Variants in NHS observed in about 807,000 individuals in gnomAD.
NHS encodes the protein NHS actin remodeling regulator.
Under a neutral mutation model 72.5 loss-of-function variants are expected in NHS, and 5 were observed. That is an observed-to-expected ratio of 0.07 (90% CI 0.04 to 0.14). The LOEUF (loss-of-function observed/expected upper bound fraction) is 0.14. Among genes scored for constraint, NHS ranks in the 10% least tolerant of loss-of-function variants. The probability of loss-of-function intolerance (pLI) is 1.00; values close to 1 mark genes in which losing one functional copy is unlikely to be tolerated. For synonymous variants in NHS, 464 were observed against 547.7 expected (o/e 0.85, Z 2.13); for missense variants, 1,072 against 1,355.7 (o/e 0.79, Z 3.29).
intron 1 of NHS, among the ~76,000 whole-genome samples, chrX:17,432,102 C>T (rs757660603): frequency 8.9e-6 from 1 of 112,729 alleles, no homozygotes; most frequent in East Asian, 2.8e-4. Flanking sequence ...TGAAGCTACA[C>T]TACCCAGGGG....
chrX:17,647,251 G>C (rs1234600483), intron 1 of NHS, among the ~76,000 whole-genome samples: 1 of 112,472 alleles, frequency 8.9e-6, no homozygotes, highest in African/African-American at 3.2e-5. Context: ...GTAGAAACTG[G>C]TGGAAAGTCC....
chrX:17,732,243 T>G lies in NHS; in HGVS notation c.4735T>G (p.Cys1579Gly). ...TGAGGCATTGTCCCCACTCTCTCCA[T>G]GCTCCCCACGAGTTAATGCAGAAGG... ...GAEALSPLSP[C>G]SPRVNAEGFS... is the part of the protein sequence containing the mutation. Residue 1579 changes from cysteine (C) to glycine (G), a missense_variant, in exon 9 of 9, where the codon TGC (cysteine) becomes GGC (glycine). Coordinates refer to ENST00000676302, the MANE Select transcript of NHS (RefSeq NM_001291867.2). 8.3e-7 allele frequency: 1 copy of G among 1,211,862 alleles called. No homozygotes were observed.
intron 1 of NHS, among the ~76,000 whole-genome samples, chrX:17,592,411 C>T (rs67954183): frequency 0.15 from 16,497 of 111,250 alleles, 2,828 homozygotes; most frequent in African/African-American, 0.5. Context: ...TAGAATGTTC[C>T]ATTGAGAGGT....
Position 17,574,770 on chromosome X carries a change from G to A in NHS, c.566-112972G>A, listed in dbSNP as rs772112369. Among the ~76,000 whole-genome samples the A allele has an allele frequency of 1.6e-4, 18 of 111,200 alleles. 1 individual carries two copies. In the South Asian group the frequency reaches 6.0e-3, roughly 37 times the overall value. On this transcript the variant is annotated intron_variant, in intron 1 of 8. Coordinates refer to ENST00000676302, the MANE Select transcript of NHS (RefSeq NM_001291867.2). ...TCAGTTGGAAATGCAGAAATCACCC[G>A]TCTTCTGCATCGATCTCGCTGGGAG...
intron 1 of NHS, among the ~76,000 whole-genome samples, chrX:17,561,843 G>T (rs1033014904): frequency 3.7e-5 from 4 of 109,296 alleles, no homozygotes; most frequent in Non-Finnish European, 7.6e-5. Flanking sequence ...ATGTTGAAAG[G>T]TCTTAAGGGG....
At position 17,475,764 on chromosome X, in the gene NHS, C is replaced by T. The variant is rs746606170; in HGVS notation, c.565+99442C>T. Reference sequence around the variant, plus strand: ...GCACACATTCTTTAACTCACACACACCTCTAAAAGCACATTAGTGCAAACT... The same window carrying T: ...GCACACATTCTTTAACTCACACACATCTCTAAAAGCACATTAGTGCAAACT... On this transcript the variant is annotated intron_variant, in intron 1 of 8. Coordinates refer to ENST00000676302, the MANE Select transcript of NHS (RefSeq NM_001291867.2). 6.2e-5 allele frequency among the ~76,000 whole-genome samples: 7 copies of T among 112,085 alleles called. 1 individual carries two copies. Among genetic ancestry groups the T allele is most frequent in the African/African-American group, 1.3e-4 (4 of 30,904 alleles).
chrX:17,612,062 T>C (rs2147057202), intron 1 of NHS, among the ~76,000 whole-genome samples: 1 of 101,944 alleles, frequency 9.8e-6, no homozygotes, highest in Non-Finnish European at 2.0e-5. Flanking sequence ...CCCCAGCATG[T>C]TATTATGAAA....
chrX:17,376,726 C>T (rs1361330751), intron 1 of NHS, among the ~76,000 whole-genome samples: 2 of 112,483 alleles, frequency 1.8e-5, no homozygotes, highest in Non-Finnish European at 3.8e-5. Flanking sequence ...TTTCCAGAAG[C>T]CCAGCCCTGA....
chrX:17,641,204 G>A (rs187841919), intron 1 of NHS, among the ~76,000 whole-genome samples: 1 of 111,517 alleles, frequency 9.0e-6, no homozygotes, highest in Non-Finnish European at 1.9e-5. Flanking sequence ...CATTAACAAG[G>A]TGACAACAGA....
rs1452037098 is a variant in NHS at position 17,559,522 on chromosome X, A to G, written c.566-128220A>G. On this transcript the variant is annotated intron_variant, in intron 1 of 8. Coordinates refer to ENST00000676302, the MANE Select transcript of NHS (RefSeq NM_001291867.2). Reference sequence around the variant, plus strand: ...AATCCATACTGTTTATTTATGAATTATATGCACGTGTTGCTGTATTAATAA... The same window carrying G: ...AATCCATACTGTTTATTTATGAATTGTATGCACGTGTTGCTGTATTAATAA... 2.7e-5 allele frequency among the ~76,000 whole-genome samples: 3 copies of G among 112,304 alleles called. No individual in the cohort carries two copies. The East Asian group carries it at 8.4e-4, about 31-fold the overall frequency.
Position 17,728,084 on chromosome X carries a change from G to T in NHS, c.3978G>T (p.Gln1326His). The change falls in exon 7 of 9, where the codon CAG becomes CAT. Residue 1326 changes from glutamine (Q) to histidine (H), a missense_variant. Physicochemically the swap from Gln to His is conservative, Grantham distance 24. Coordinates refer to ENST00000676302, the MANE Select transcript of NHS (RefSeq NM_001291867.2). Reference protein sequence around the residue: ...QPESVDVITSQSDSPTRATDV... With the variant: ...QPESVDVITSHSDSPTRATDV... The stretch of plus-strand genomic sequence containing the variant: ...AATCTGTGGATGTAATCACATCTCA[G>T]TCAGACTCACCAACTAGAGCAACAG... 1.7e-6 allele frequency: 2 copies of T among 1,211,643 alleles called. No homozygotes were observed. The highest frequency in any genetic ancestry group is 5.9e-5 in the East Asian group (2 of 33,840).
chrX:17,727,811 A>G lies in NHS; in HGVS notation c.3705A>G (p.Thr1235=). Residue 1235 remains threonine, a synonymous_variant, in exon 7 of 9, where the codon ACA becomes ACG. Transcript: ENST00000676302. ...ATCGCTGCGATCCAGAAACCATAAC[A>G]TCAGCTGGTAGCAGTCTTCTAGATT... The part of the protein sequence containing the change: ...VKNRCDPETI[T]SAGSSLLDSN... 1 of 1,211,898 alleles carries G rather than the reference A, an allele frequency of 8.3e-7. No homozygotes were observed. Among genetic ancestry groups the G allele is most frequent in the South Asian group, 1.8e-5 (1 of 56,991 alleles).
At chrX:17,616,236 GGCTGGGTGGC>G (rs1365997615) in intron 1 of NHS, among the ~76,000 whole-genome samples, 1 of 112,572 alleles carries the variant, frequency 8.9e-6, no homozygotes, top group East Asian at 2.8e-4. Context: ...ATCCCCAGTT[GGCTGGGTGGC>G]GCCACCTCTT....
At chrX:17,614,632 C>A (rs920936246) in intron 1 of NHS, among the ~76,000 whole-genome samples, 13 of 110,743 alleles carry the variant, frequency 1.2e-4, no homozygotes, top group Admixed American at 1.9e-4. Context: ...GTTTCATTTC[C>A]AGTGTTACAT....
intron 1 of NHS, among the ~76,000 whole-genome samples, chrX:17,417,121 G>C (rs1326350457): frequency 6.6e-5 from 7 of 105,631 alleles, no homozygotes; most frequent in African/African-American, 2.6e-4. Flanking sequence ...CACACACACA[G>C]AGTCTGAGTT....
chrX:17,636,009 C>T (rs976158048), intron 1 of NHS, among the ~76,000 whole-genome samples: 5 of 112,342 alleles, frequency 4.5e-5, no homozygotes, highest in African/African-American at 1.3e-4. Context: ...GGCAGGATTC[C>T]GGGGCTCTAG....
rs115330207 is a variant in NHS at position 17,504,100 on chromosome X, T to G, written c.565+127778T>G. 7.4e-3 allele frequency among the ~76,000 whole-genome samples: 831 copies of G among 112,159 alleles called. 5 individuals are homozygous for G. The highest frequency in any genetic ancestry group is 0.026 in the African/African-American group (797 of 30,879). ...ACCAATTCAACTTTGATTATTCAAG[T>G]GTTTACCACCCTTGTCTTACCAGGA... is the stretch of plus-strand genomic sequence containing the variant. On this transcript the variant is annotated intron_variant, in intron 1 of 8. Coordinates refer to ENST00000676302, the MANE Select transcript of NHS (RefSeq NM_001291867.2).
At chrX:17,417,720 G>T (rs2064603500) in intron 1 of NHS, among the ~76,000 whole-genome samples, 1 of 111,944 alleles carries the variant, frequency 8.9e-6, no homozygotes, top group Non-Finnish European at 1.9e-5. Context: ...TTCCTTATTG[G>T]CATTGTGTTA....
intron 1 of NHS, among the ~76,000 whole-genome samples, chrX:17,531,612 TG>T (rs1177452848): frequency 8.9e-6 from 1 of 112,972 alleles, no homozygotes; most frequent in Non-Finnish European, 1.9e-5. Flanking sequence ...GTGACACCAT[TG>T]GTCGTAGCCT....
Sources: gnomAD v4.1 joint callset for allele counts (sites outside exome capture counted in the v4.1 genomes callset) on GRCh38, gnomAD v4.1.1 for gene constraint, MANE v1.5 for transcripts, NCBI Gene and HGNC (gene_info 2026-07-23, HGNC 2026-07-21) for gene names.